Variants in DCC observed in about 807,000 individuals in gnomAD.
The protein encoded by DCC is netrin receptor DCC.
A neutral mutation model predicts 172.5 loss-of-function variants in DCC; 58 were observed. That is an observed-to-expected ratio of 0.34 (90% CI 0.27 to 0.42). DCC has a LOEUF of 0.42. Among genes scored for constraint, DCC ranks in the 10% least tolerant of loss-of-function variants. The probability of loss-of-function intolerance (pLI) is 1.00; values close to 1 mark genes in which losing one functional copy is unlikely to be tolerated. For synonymous variants in DCC, 709 were observed against 644.5 expected, an observed-to-expected ratio of 1.10 and a Z score of -1.52; for missense variants, 1,740 against 1,791.0, an observed-to-expected ratio of 0.97 and a Z score of 0.51.
intron 1 of DCC, among the ~76,000 whole-genome samples, chr18:52,698,764 A>ATTTTTTTTTT (rs34646550): frequency 7.5e-6 from 1 of 134,182 alleles, no homozygotes; most frequent in African/African-American, 2.8e-5. Flanking sequence ...ACGCCTGGCT[A>ATTTTTTTTTT]TTTTTTTTTT....
At chr18:52,886,219 C>T (rs181513762) in intron 2 of DCC, among the ~76,000 whole-genome samples, 50 of 152,212 alleles carry the variant, frequency 3.3e-4, no homozygotes, top group Admixed American at 2.7e-3. Flanking sequence ...CAGCCCAGGA[C>T]TAGGAATTGC....
intron 7 of DCC, among the ~76,000 whole-genome samples, chr18:53,098,757 A>T (rs1343320593): frequency 6.6e-6 from 1 of 152,130 alleles, no homozygotes; most frequent in Admixed American, 6.6e-5. Context: ...ATGTAATCCA[A>T]TCACTTTGGG....
At chr18:53,117,378 A>C (rs2043423490) in intron 7 of DCC, among the ~76,000 whole-genome samples, 1 of 151,758 alleles carries the variant, frequency 6.6e-6, no homozygotes, top group South Asian at 2.1e-4. Flanking sequence ...TTAAAGGAGA[A>C]TAGGACAGAA....
chr18:52,347,060 G>C (rs1005184136), intron 1 of DCC, among the ~76,000 whole-genome samples: 1 of 152,158 alleles, frequency 6.6e-6, no homozygotes, highest in East Asian at 1.9e-4. Flanking sequence ...CTACTCCTAA[G>C]AGTATCTAGG....
chr18:52,796,312 G>C (rs1031778229), intron 2 of DCC, among the ~76,000 whole-genome samples: 1 of 151,804 alleles, frequency 6.6e-6, no homozygotes. Context: ...TATACCATTT[G>C]TTATTTTCTT....
intron 7 of DCC, among the ~76,000 whole-genome samples, chr18:53,152,222 C>G (rs1338379067): frequency 6.6e-6 from 1 of 152,100 alleles, no homozygotes; most frequent in Non-Finnish European, 1.5e-5. Flanking sequence ...GGTCTATTGG[C>G]TTGTTTGAGG....
At chr18:53,106,181 T>G (rs1350817115) in intron 7 of DCC, among the ~76,000 whole-genome samples, 1 of 151,928 alleles carries the variant, frequency 6.6e-6, no homozygotes, top group Non-Finnish European at 1.5e-5. Flanking sequence ...CTTGATGGGT[T>G]AAGACTCAAA....
chr18:53,177,642 C>T (rs1464228035), intron 8 of DCC, among the ~76,000 whole-genome samples: 1 of 152,150 alleles, frequency 6.6e-6, no homozygotes. Flanking sequence ...TACCTCAAGA[C>T]AACAGGTGGA....
chr18:53,211,291 G>A (rs951312849), intron 11 of DCC, among the ~76,000 whole-genome samples: 1 of 152,136 alleles, frequency 6.6e-6, no homozygotes, highest in African/African-American at 2.4e-5. Flanking sequence ...ACAAAACTAA[G>A]TCAGAAAGAG....
intron 2 of DCC, among the ~76,000 whole-genome samples, chr18:52,885,793 AG>A (rs2039560812): frequency 6.6e-6 from 1 of 152,014 alleles, no homozygotes; most frequent in Admixed American, 6.6e-5. Context: ...ACAACATCTC[AG>A]GGCTCTAGGT....
At chr18:52,877,247 A>C (rs1373570220) in intron 2 of DCC, among the ~76,000 whole-genome samples, 1 of 152,066 alleles carries the variant, frequency 6.6e-6, no homozygotes, top group African/African-American at 2.4e-5. Context: ...CCACTTACCA[A>C]ACACCTATTA....
At chr18:52,746,087 G>A (rs2036901480) in intron 1 of DCC, among the ~76,000 whole-genome samples, 2 of 152,114 alleles carry the variant, frequency 1.3e-5, no homozygotes, top group South Asian at 4.1e-4. Flanking sequence ...ACATGTAATT[G>A]ATATTTGATA....
rs112532473 is a variant in DCC, at chr18:53,157,326, C to T, written c.1262-30C>T. 5.0e-4 allele frequency: 813 copies of T among 1,613,754 alleles called. 2 individuals carry two copies. In the African/African-American group the frequency reaches 9.4e-3, roughly 19 times the overall value. ...CAATTCTTACCTATGGCAGCGACAC[C>T]TCTGATAGCCTCCTCTTCTTTCTCC... is the stretch of plus-strand genomic sequence containing the variant. On this transcript the variant is annotated intron_variant, in intron 7 of 28. Coordinates refer to ENST00000442544, the MANE Select transcript of DCC (RefSeq NM_005215.4).
chr18:52,692,991 C>G (rs1039780621), intron 1 of DCC, among the ~76,000 whole-genome samples: 2 of 152,124 alleles, frequency 1.3e-5, no homozygotes, highest in African/African-American at 4.8e-5. Flanking sequence ...TTTGCCACTC[C>G]TATAGGCTGT....
intron 5 of DCC, among the ~76,000 whole-genome samples, chr18:53,044,267 T>TG (rs1486926167): frequency 1.4e-4 from 21 of 151,774 alleles, no homozygotes; most frequent in African/African-American, 5.1e-4. Flanking sequence ...CTTTTTTGGT[T>TG]TGGAAAAAAG....
intron 12 of DCC, among the ~76,000 whole-genome samples, chr18:53,294,384 C>A (rs972697377): frequency 6.6e-6 from 1 of 152,104 alleles, no homozygotes; most frequent in South Asian, 2.1e-4. Context: ...AGACAGTATC[C>A]AGAGAAGTGG....
chr18:52,623,978 C>T (rs917063607), intron 1 of DCC, among the ~76,000 whole-genome samples: 26 of 152,142 alleles, frequency 1.7e-4, no homozygotes, highest in Non-Finnish European at 3.7e-4. Flanking sequence ...CTTTTGAATC[C>T]GCTTCTTTCC....
chr18:53,379,310 T>C (rs1907544912), intron 15 of DCC, among the ~76,000 whole-genome samples: 2 of 152,262 alleles, frequency 1.3e-5, no homozygotes, highest in Non-Finnish European at 1.5e-5. Flanking sequence ...TTGGCATGGA[T>C]GAGGCCAGTG....
At chr18:52,898,919 C>T (rs1234753604) in intron 2 of DCC, among the ~76,000 whole-genome samples, 1 of 152,094 alleles carries the variant, frequency 6.6e-6, no homozygotes, top group African/African-American at 2.4e-5. Context: ...AACTTTGTTC[C>T]TGGGGACAGT....
Sources: allele counts gnomAD v4.1 joint callset (sites outside exome capture counted in the v4.1 genomes callset), GRCh38; gene constraint gnomAD v4.1.1; transcripts MANE v1.5; gene names NCBI Gene and HGNC (gene_info 2026-07-23, HGNC 2026-07-21).